CNKSR3: variants seen among roughly 807,000 people sequenced by gnomAD.
CNKSR3 encodes the protein connector enhancer of kinase suppressor of ras 3.
A neutral mutation model predicts 67.7 loss-of-function variants in CNKSR3; 36 were observed. That is an observed-to-expected ratio of 0.53 (90% CI 0.41 to 0.70). The LOEUF (loss-of-function observed/expected upper bound fraction) is 0.70. Among genes scored for constraint, CNKSR3 ranks in the 30% least tolerant of loss-of-function variants. The pLI is 0.00. For synonymous variants in CNKSR3, 281 were observed against 271.4 expected (o/e 1.04, Z -0.35); for missense variants, 630 against 695.2 (o/e 0.91, Z 1.05).
chr6:154,402,985 T>C lies in CNKSR3; in HGVS notation c.*3369A>G, dbSNP rs1490649932. On this transcript the variant is annotated 3_prime_UTR_variant, in exon 13 of 13. Coordinates refer to ENST00000607772, the MANE Select transcript of CNKSR3 (RefSeq NM_173515.4). ...TTATCTGTTTCAGTTAGAACGTCAC[T>C]GATGGGTATGTTTTAGAGGCTAGTT... The C allele has an allele frequency of 6.6e-6, 1 of 152,230 alleles. No individual in the cohort carries two copies. Among genetic ancestry groups the C allele is most frequent in the Non-Finnish European group, 1.5e-5 (1 of 68,044 alleles). The allele number at this position is 152,230 out of a possible 1,614,324, so 9.4% of individuals were successfully genotyped here.
At position 154,398,366 on chromosome 6, in the gene CNKSR3, G is replaced by A. The variant is rs1282275286; in HGVS notation, c.*7988C>T. ...GCCCCACAAAAGTGATTGTTATGCT[G>A]AGCCGAACAACCATTTTTTACTTCC... On this transcript the variant is annotated 3_prime_UTR_variant, in exon 13 of 13. Coordinates refer to ENST00000607772, the MANE Select transcript of CNKSR3 (RefSeq NM_173515.4). 1 of 152,204 alleles carries A rather than the reference G, an allele frequency of 6.6e-6. No homozygotes were observed. Among genetic ancestry groups the A allele is most frequent in the African/African-American group, 2.4e-5 (1 of 41,436 alleles). The allele number at this position is 152,204 out of a possible 1,614,324, so 9.4% of individuals were successfully genotyped here. A position where few individuals can be genotyped will look rare whatever the true frequency, so the allele number is the denominator to read the frequency against.
At chr6:154,433,552 A>T in intron 4 of CNKSR3, 45 bp from the exon 5 acceptor site, 1 of 1,446,238 alleles carries the variant, frequency 6.9e-7, no homozygotes, top group Non-Finnish European at 9.6e-7. Flanking sequence ...ACAAGAGTTA[A>T]AAACGTTCAG....
At chr6:154,424,477 A>C (rs1350482487) in intron 7 of CNKSR3, among the ~76,000 whole-genome samples, 1 of 152,234 alleles carries the variant, frequency 6.6e-6, no homozygotes, top group Non-Finnish European at 1.5e-5. Flanking sequence ...ATCTTCAAAC[A>C]ATTTCCAAAT....
At chr6:154,479,915 C>G (rs1019223486) in intron 1 of CNKSR3, among the ~76,000 whole-genome samples, 1 of 152,168 alleles carries the variant, frequency 6.6e-6, no homozygotes, top group African/African-American at 2.4e-5. Flanking sequence ...CTCCCTCACA[C>G]GGTGGTTAAG....
At chr6:154,508,730 T>C (rs1173623437) in intron 1 of CNKSR3, among the ~76,000 whole-genome samples, 1 of 152,212 alleles carries the variant, frequency 6.6e-6, no homozygotes, top group Non-Finnish European at 1.5e-5. Flanking sequence ...TCATTTTATA[T>C]AGGAGTCCAG....
chr6:154,442,058 A>T, intron 3 of CNKSR3, 30 bp downstream of exon 3: 2 of 1,563,634 alleles, frequency 1.3e-6, no homozygotes, highest in South Asian at 1.2e-5. Flanking sequence ...CTACTCTTGC[A>T]GGGCAGTAAA....
chr6:154,428,121 C>G lies in CNKSR3; in HGVS notation c.729+7G>C. On this transcript the variant is annotated splice_region_variant and intron_variant, in intron 7 of 12. Coordinates refer to ENST00000607772, the MANE Select transcript of CNKSR3 (RefSeq NM_173515.4). Reference sequence around the variant, plus strand: ...ACAGATTTTACACTTAATGAATATACACTTACATTTTCTGTGGTTCCAGTA... The same window carrying G: ...ACAGATTTTACACTTAATGAATATAGACTTACATTTTCTGTGGTTCCAGTA... 1.3e-6 allele frequency: 2 copies of G among 1,577,168 alleles called. No individual in the cohort carries two copies. Among genetic ancestry groups the G allele is most frequent in the African/African-American group, 2.7e-5 (2 of 74,282 alleles).
chr6:154,421,402 A>C lies in CNKSR3; in HGVS notation c.945+1104T>G, dbSNP rs149652546. ...ACAAAGTTTCAAAGTTGATGGTTTA[A>C]GACTACTGTTCTTCCATAGGAAGAC... On this transcript the variant is annotated intron_variant, in intron 9 of 12. Coordinates refer to ENST00000607772, the MANE Select transcript of CNKSR3 (RefSeq NM_173515.4). 6.8e-3 allele frequency among the ~76,000 whole-genome samples: 1,041 copies of C among 152,364 alleles called. 10 individuals carry two copies. The highest frequency in any genetic ancestry group is 0.024 in the African/African-American group (984 of 41,588).
intron 12 of CNKSR3, among the ~76,000 whole-genome samples, chr6:154,407,148 C>G (rs1325651295): frequency 6.6e-6 from 1 of 152,162 alleles, no homozygotes; most frequent in Non-Finnish European, 1.5e-5. Context: ...GGAAGGGTCC[C>G]TCATACTTTA....
At chr6:154,442,515 G>A (rs1785620165) in intron 2 of CNKSR3, among the ~76,000 whole-genome samples, 1 of 151,926 alleles carries the variant, frequency 6.6e-6, no homozygotes, top group Non-Finnish European at 1.5e-5. Context: ...CCAGCTACTC[G>A]GGAGGCTGAG....
chr6:154,469,779 C>T (rs1009790202), intron 1 of CNKSR3, among the ~76,000 whole-genome samples: 5 of 152,120 alleles, frequency 3.3e-5, no homozygotes, highest in Non-Finnish European at 5.9e-5. Context: ...ATGCCAACCC[C>T]CTCATAGTAA....
intron 1 of CNKSR3, among the ~76,000 whole-genome samples, chr6:154,454,140 GAGAGAT>G (rs1785902122): frequency 2.5e-5 from 2 of 80,022 alleles, no homozygotes; most frequent in Non-Finnish European, 2.7e-5. Flanking sequence ...GAGAGAGAGA[GAGAGAT>G]AAGAGCCCGC....
At chr6:154,498,056 T>C (rs1008189779) in intron 1 of CNKSR3, among the ~76,000 whole-genome samples, 1 of 152,246 alleles carries the variant, frequency 6.6e-6, no homozygotes, top group Non-Finnish European at 1.5e-5. Flanking sequence ...ATTCCTGTTT[T>C]TACCCTGAAG....
chr6:154,457,253 G>T (rs528097717), intron 1 of CNKSR3, among the ~76,000 whole-genome samples: 5 of 152,284 alleles, frequency 3.3e-5, no homozygotes, highest in African/African-American at 1.2e-4. Context: ...TGGTCTACTG[G>T]TAGGCCTCCG....
intron 12 of CNKSR3, 42 bp downstream of exon 12, chr6:154,410,301 C>G: frequency 7.1e-7 from 1 of 1,405,136 alleles, no homozygotes; most frequent in Non-Finnish European, 1.0e-6. Flanking sequence ...GGGCTGTTCA[C>G]TCCCCATTTG....
At position 154,447,232 on chromosome 6, in the gene CNKSR3, T is replaced by G. The variant is rs147521201; in HGVS notation, c.216+2863A>C. ...CACAGATGAAAATGTTCTTTATCTGTGCTGTCCAATATCGTAGCCACTAGC... is the reference window on the plus strand; with the variant it reads ...CACAGATGAAAATGTTCTTTATCTGGGCTGTCCAATATCGTAGCCACTAGC... On this transcript the variant is annotated intron_variant, in intron 2 of 12. Transcript: ENST00000607772. Among the ~76,000 whole-genome samples, 147 of 152,302 alleles carry G rather than the reference T, an allele frequency of 9.7e-4. 1 individual carries two copies. Among genetic ancestry groups the G allele is most frequent in the Admixed American group, 7.8e-3 (120 of 15,306 alleles).
At chr6:154,432,834 A>G (rs916990833) in intron 5 of CNKSR3, among the ~76,000 whole-genome samples, 1 of 152,252 alleles carries the variant, frequency 6.6e-6, no homozygotes, top group African/African-American at 2.4e-5. Flanking sequence ...TTAAACAACC[A>G]AAGAAATCAG....
intron 1 of CNKSR3, among the ~76,000 whole-genome samples, chr6:154,489,567 C>T (rs1274818466): frequency 6.6e-6 from 1 of 151,090 alleles, no homozygotes; most frequent in African/African-American, 2.4e-5. Context: ...AACAAAGTCA[C>T]TCTATTGTAT....
At chr6:154,420,898 T>C (rs1353501719) in intron 9 of CNKSR3, among the ~76,000 whole-genome samples, 1 of 152,224 alleles carries the variant, frequency 6.6e-6, no homozygotes, top group Non-Finnish European at 1.5e-5. Context: ...ATACAATTTG[T>C]ATCTGTCAAT....
Sources: allele counts gnomAD v4.1 joint callset (sites outside exome capture counted in the v4.1 genomes callset), GRCh38; gene constraint gnomAD v4.1.1; transcripts MANE v1.5; gene names NCBI Gene and HGNC (gene_info 2026-07-23, HGNC 2026-07-21).